The following RIMS1 variants were observed in gnomAD, a reference collection of about 807,000 sequenced individuals.
The protein encoded by RIMS1 is regulating synaptic membrane exocytosis 1, also known as regulating synaptic membrane exocytosis protein 1.
A neutral mutation model predicts 214.1 loss-of-function variants in RIMS1; 83 were observed. That is an observed-to-expected ratio of 0.39 (90% CI 0.32 to 0.47). The LOEUF (loss-of-function observed/expected upper bound fraction) is 0.47, where lower values mean the gene tolerates loss of function less well. RIMS1 is among the 20% of genes least tolerant of loss of function. The pLI is 0.99. For missense variants in RIMS1, 2,050 were observed against 2,161.8 expected, an observed-to-expected ratio of 0.95 and a Z score of 1.03; for synonymous variants, 793 against 786.8, an observed-to-expected ratio of 1.01 and a Z score of -0.13.
intron 4 of RIMS1, among the ~76,000 whole-genome samples, chr6:72,172,699 T>G (rs958439208): frequency 1.3e-5 from 2 of 152,238 alleles, no homozygotes; most frequent in Non-Finnish European, 2.9e-5. Flanking sequence ...GGAAATGTTC[T>G]TAGCTTCAAA....
chr6:72,396,823 A>C (rs937595072), intron 31 of RIMS1, among the ~76,000 whole-genome samples: 24 of 151,632 alleles, frequency 1.6e-4, no homozygotes, highest in African/African-American at 5.1e-4. Flanking sequence ...GACCAGCCTG[A>C]CCAACATGGC....
At chr6:72,194,635 T>A (rs2050586937) in intron 6 of RIMS1, among the ~76,000 whole-genome samples, 1 of 152,184 alleles carries the variant, frequency 6.6e-6, no homozygotes, top group African/African-American at 2.4e-5. Flanking sequence ...AATATTCCTA[T>A]GTGTTTTGCT....
chr6:72,125,893 C>G (rs964728077), intron 4 of RIMS1, among the ~76,000 whole-genome samples: 2 of 152,180 alleles, frequency 1.3e-5, no homozygotes, highest in East Asian at 3.9e-4. Flanking sequence ...TACCATCTGT[C>G]ACGGCTTCCC....
chr6:72,233,477 T>C (rs993404495), intron 6 of RIMS1, among the ~76,000 whole-genome samples: 14 of 151,196 alleles, frequency 9.3e-5, no homozygotes, highest in South Asian at 2.1e-4. Flanking sequence ...GGACTGTCCT[T>C]TAAGGCTAGG....
At chr6:72,169,391 A>C (rs1195875785) in intron 4 of RIMS1, among the ~76,000 whole-genome samples, 1 of 152,222 alleles carries the variant, frequency 6.6e-6, no homozygotes, top group East Asian at 1.9e-4. Context: ...CTATTTAAGT[A>C]ACAAATGTAG....
chr6:72,182,764 G>C lies in RIMS1; in HGVS notation c.1293G>C (p.Glu431Asp). The stretch of plus-strand genomic sequence containing the variant: ...ACTCGCCGCGGGCTTACTCGGCTGA[G>C]AGAACTGCGGAGACCAGGGCGCCGG... ...PPDSPRAYSA[E>D]RTAETRAPGA... Residue 431 changes from glutamate (E) to aspartate (D), a missense_variant, in exon 6 of 34, where the codon GAG (glutamate) becomes GAC (aspartate). By Grantham distance (45) the Glu-to-Asp change is conservative (BLOSUM62 2). Coordinates refer to ENST00000521978, the MANE Select transcript of RIMS1 (RefSeq NM_014989.7). 4 of 1,544,172 alleles carry C rather than the reference G, an allele frequency of 2.6e-6. No individual in the cohort carries two copies. The highest frequency in any genetic ancestry group is 3.5e-6 in the Non-Finnish European group (4 of 1,149,148).
At chr6:72,266,859 T>C (rs191459929) in intron 22 of RIMS1, among the ~76,000 whole-genome samples, 142 of 152,178 alleles carry the variant, frequency 9.3e-4, no homozygotes, top group African/African-American at 3.2e-3. Context: ...CAGAAGACAT[T>C]TGCATACTAC....
intron 2 of RIMS1, among the ~76,000 whole-genome samples, chr6:72,067,109 T>C (rs1028331629): frequency 6.6e-6 from 1 of 152,178 alleles, no homozygotes; most frequent in Non-Finnish European, 1.5e-5. Context: ...TACTCTTGAC[T>C]ATGGATTCCT....
intron 6 of RIMS1, among the ~76,000 whole-genome samples, chr6:72,228,244 A>G (rs924771726): frequency 2.0e-5 from 3 of 151,866 alleles, no homozygotes; most frequent in East Asian, 3.9e-4. Flanking sequence ...CTATACAGTA[A>G]ATCTCTAGGG....
chr6:72,193,044 C>G (rs748372989), intron 6 of RIMS1, among the ~76,000 whole-genome samples: 6 of 152,156 alleles, frequency 3.9e-5, no homozygotes, highest in African/African-American at 9.7e-5. Flanking sequence ...GGGCTCTTCA[C>G]CAGTTTTTAT....
At chr6:72,202,346 C>T (rs2052141874) in intron 6 of RIMS1, among the ~76,000 whole-genome samples, 1 of 152,194 alleles carries the variant, frequency 6.6e-6, no homozygotes, top group Admixed American at 6.5e-5. Context: ...GGGGAAGGAT[C>T]TGTTCCAGGC....
chr6:72,345,457 C>T (rs529038969), intron 29 of RIMS1, among the ~76,000 whole-genome samples: 5 of 151,760 alleles, frequency 3.3e-5, no homozygotes, highest in African/African-American at 1.2e-4. Context: ...AAAAAACAGC[C>T]ATGAAATACT....
intron 29 of RIMS1, among the ~76,000 whole-genome samples, chr6:72,364,870 C>T (rs139314759): frequency 7.2e-5 from 11 of 152,308 alleles, no homozygotes; most frequent in African/African-American, 2.4e-4. Context: ...TATGGGACTG[C>T]TTGCAGAGTC....
chr6:72,087,333 C>T (rs1562280237), intron 2 of RIMS1, among the ~76,000 whole-genome samples: 1 of 152,038 alleles, frequency 6.6e-6, no homozygotes, highest in Non-Finnish European at 1.5e-5. Context: ...AAAATTAGTG[C>T]CCTTCACAGA....
chr6:72,220,333 T>C (rs1050827390), intron 6 of RIMS1, among the ~76,000 whole-genome samples: 1 of 152,056 alleles, frequency 6.6e-6, no homozygotes, highest in Non-Finnish European at 1.5e-5. Context: ...CAATGGACTC[T>C]TGAGGGAAAA....
intron 7 of RIMS1, among the ~76,000 whole-genome samples, chr6:72,234,084 A>G (rs2063115728): frequency 6.6e-6 from 1 of 152,026 alleles, no homozygotes; most frequent in African/African-American, 2.4e-5. Flanking sequence ...GGTTATGGAT[A>G]TTGACATTAA....
At chr6:72,067,935 C>A (rs1211997234) in intron 2 of RIMS1, among the ~76,000 whole-genome samples, 1 of 152,138 alleles carries the variant, frequency 6.6e-6, no homozygotes, top group Non-Finnish European at 1.5e-5. Flanking sequence ...AATGGAATAA[C>A]TGAGAGCTTA....
At chr6:72,267,447 C>T (rs1047025931) in intron 22 of RIMS1, among the ~76,000 whole-genome samples, 14 of 152,054 alleles carry the variant, frequency 9.2e-5, no homozygotes, top group South Asian at 2.1e-4. Flanking sequence ...TTTAATATTT[C>T]GTAGTAGCCA....
intron 2 of RIMS1, among the ~76,000 whole-genome samples, chr6:72,000,661 G>A (rs12524322): frequency 0.11 from 17,213 of 152,118 alleles, 1,181 homozygotes; most frequent in South Asian, 0.19. Context: ...AAGTTTGACT[G>A]CTGCTCTTGC....
Sources: gnomAD v4.1 joint callset for allele counts (sites outside exome capture counted in the v4.1 genomes callset) on GRCh38, gnomAD v4.1.1 for gene constraint, MANE v1.5 for transcripts, NCBI Gene and HGNC (gene_info 2026-07-23, HGNC 2026-07-21) for gene names.